The following DDX27 variants were observed in gnomAD, a reference collection of about 807,000 sequenced individuals.
DDX27 encodes DEAD-box helicase 27.
DDX27 carries 42 observed loss-of-function variants against 99.3 expected under a neutral mutation model. That is an observed-to-expected ratio of 0.42 (90% CI 0.33 to 0.55). The LOEUF (loss-of-function observed/expected upper bound fraction) is 0.55. Among genes scored for constraint, DDX27 ranks in the 20% least tolerant of loss-of-function variants. The probability of loss-of-function intolerance (pLI) is 0.07; values close to 1 mark genes in which losing one functional copy is unlikely to be tolerated. For missense variants in DDX27, 798 were observed against 976.8 expected (o/e 0.82, Z 2.44); for synonymous variants, 329 against 353.8 (o/e 0.93, Z 0.79).
At chr20:49,233,067 A>C (rs1354461754) in intron 9 of DDX27, among the ~76,000 whole-genome samples, 2 of 152,200 alleles carry the variant, frequency 1.3e-5, no homozygotes, top group Non-Finnish European at 2.9e-5. Context: ...CCTAGTGCTT[A>C]GGAGTTGTGT....
chr20:49,239,217 C>G lies in DDX27; in HGVS notation c.1795-19C>G. The G allele has an allele frequency of 6.2e-7, 1 of 1,611,890 alleles. No individual in the cohort carries two copies. ...TAGATACGGGTTTCACGGCAGGCAT[C>G]CTTTTGTTATCTCTACAGATCAATA... is the stretch of plus-strand genomic sequence containing the variant. On this transcript the variant is annotated intron_variant, in intron 15 of 20. Transcript: ENST00000618172.
intron 2 of DDX27, among the ~76,000 whole-genome samples, chr20:49,222,318 TGTTG>T (rs1979717674): frequency 6.6e-6 from 1 of 150,530 alleles, no homozygotes. Flanking sequence ...AGTTTTTTTT[TGTTG>T]TTTTTGAGAT....
chr20:49,226,660 AT>A, intron 7 of DDX27, 125 bp downstream of exon 7: 2 of 620,302 alleles, frequency 3.2e-6, no homozygotes, highest in Non-Finnish European at 5.3e-6. Flanking sequence ...TTTCATTTTT[AT>A]TTTTTATTTT....
rs1278802384 is a variant in DDX27, at chr20:49,242,746, G to A, written c.2204+65G>A. The A allele has an allele frequency of 1.2e-5, 16 of 1,373,454 alleles. No individual in the cohort carries two copies. In the South Asian group the frequency reaches 1.7e-4, roughly 15 times the overall value. The allele number at this position is 1,373,454 out of a possible 1,614,324, so 85.1% of individuals were successfully genotyped here. On this transcript the variant is annotated intron_variant, in intron 19 of 20. Transcript: ENST00000618172. ...TTTTTTTTTTTTTTTTTTTTGAGAC[G>A]GAGTCTCGCTCTGTCGCCCAGGGTG...
chr20:49,221,328 T>TGATCCACCCAC (rs1979673039), intron 1 of DDX27, 124 bp from the exon 2 acceptor site: 1 of 1,059,930 alleles, frequency 9.4e-7, no homozygotes, highest in African/African-American at 1.6e-5. Flanking sequence ...CCTGACCTTG[T>TGATCCACCCAC]CTGCGTGCCT....
chr20:49,223,510 T>A, intron 4 of DDX27, 77 bp downstream of exon 4: 1 of 1,361,708 alleles, frequency 7.3e-7, no homozygotes, highest in Non-Finnish European at 1.0e-6. Context: ...TAGGGTTTCC[T>A]CCACTCTTCT....
At chr20:49,239,650 G>A (rs1385925426) in intron 16 of DDX27, among the ~76,000 whole-genome samples, 1 of 152,190 alleles carries the variant, frequency 6.6e-6, no homozygotes, top group South Asian at 2.1e-4. Context: ...CAATGCTCAC[G>A]TCCTGCTGTG....
chr20:49,240,709 G>A (rs1980449973), intron 16 of DDX27, among the ~76,000 whole-genome samples: 1 of 152,076 alleles, frequency 6.6e-6, no homozygotes, highest in Non-Finnish European at 1.5e-5. Context: ...TTACAGGTGT[G>A]AGCCACTGCA....
intron 16 of DDX27, among the ~76,000 whole-genome samples, chr20:49,241,587 C>T (rs996177516): frequency 6.6e-6 from 1 of 151,976 alleles, no homozygotes; most frequent in Non-Finnish European, 1.5e-5. Context: ...ATTCTCTCAC[C>T]TCAGCCTCCC....
chr20:49,235,522 CAG>C (rs1352593743), intron 12 of DDX27: 1 of 160,550 alleles, frequency 6.2e-6, no homozygotes, highest in Non-Finnish European at 1.4e-5. Flanking sequence ...GTTTAGTCCT[CAG>C]AGAATGGCAT....
chr20:49,221,750 GAA>G (rs1378850767), intron 2 of DDX27, 152 bp downstream of exon 2: 2 of 511,444 alleles, frequency 3.9e-6, no homozygotes, highest in Admixed American at 4.2e-5. Context: ...AAAAACAAAA[GAA>G]AATATCTGGT....
At chr20:49,227,905 A>G (rs577195756) in intron 7 of DDX27, among the ~76,000 whole-genome samples, 25 of 147,992 alleles carry the variant, frequency 1.7e-4, no homozygotes, top group Non-Finnish European at 3.4e-4. Context: ...CAGTGGCGCA[A>G]TCTTGGCTCA....
At chr20:49,243,787 T>C (rs1232376906) in intron 20 of DDX27, 29 bp from the exon 21 acceptor site, 1 of 1,614,220 alleles carries the variant, frequency 6.2e-7, no homozygotes, top group Non-Finnish European at 8.5e-7. Flanking sequence ...TCCATCCTCA[T>C]TCTGGTCTTA....
intron 7 of DDX27, among the ~76,000 whole-genome samples, chr20:49,227,131 G>A (rs1000569641): frequency 6.6e-6 from 1 of 151,888 alleles, no homozygotes; most frequent in African/African-American, 2.4e-5. Flanking sequence ...CAAAGTGCTG[G>A]GATTACAGGC....
intron 16 of DDX27, among the ~76,000 whole-genome samples, chr20:49,240,876 A>G (rs1177889814): frequency 6.6e-6 from 1 of 152,068 alleles, no homozygotes; most frequent in East Asian, 1.9e-4. Context: ...TTAGCCAGAC[A>G]TGGTGGTGCA....
chr20:49,223,654 G>T (rs1979775558), intron 4 of DDX27, among the ~76,000 whole-genome samples: 1 of 151,710 alleles, frequency 6.6e-6, no homozygotes, highest in Non-Finnish European at 1.5e-5. Flanking sequence ...GCTGAGGTGG[G>T]TGTATCGCTT....
chr20:49,243,461 A>T (rs1163954436), intron 19 of DDX27, among the ~76,000 whole-genome samples, 168 bp from the exon 20 acceptor site: 1 of 152,208 alleles, frequency 6.6e-6, no homozygotes, highest in African/African-American at 2.4e-5. Context: ...CCTGACTTCC[A>T]GAAACACGTT....
In DDX27 at chr20:49,230,309, C is replaced by T. The variant is rs1015048044; in HGVS notation, c.991C>T (p.Leu331=). 6.2e-7 allele frequency: 1 copy of T among 1,611,812 alleles called. No individual in the cohort carries two copies. Among genetic ancestry groups the T allele is most frequent in the South Asian group, 1.1e-5 (1 of 91,086 alleles). The part of the protein sequence containing the change: ...DHLHNCPSFH[L]SSIEVLILDE... Reference sequence around the variant, plus strand: ...CCTCCACAACTGCCCTTCCTTCCACCTGAGCAGCATCGAGGTGCTCATCCT... The same window carrying T: ...CCTCCACAACTGCCCTTCCTTCCACTTGAGCAGCATCGAGGTGCTCATCCT... Residue 331 remains leucine, a synonymous_variant, in exon 9 of 21, where the codon CTG becomes TTG. Coordinates refer to ENST00000618172, the MANE Select transcript of DDX27 (RefSeq NM_017895.8).
At chr20:49,231,095 A>C (rs1980094940) in intron 9 of DDX27, 1 of 152,328 alleles carries the variant, frequency 6.6e-6, no homozygotes. Context: ...CTCAGCCTGG[A>C]GCCATCTCCT....
Sources: gnomAD v4.1 joint callset for allele counts (sites outside exome capture counted in the v4.1 genomes callset) on GRCh38, gnomAD v4.1.1 for gene constraint, MANE v1.5 for transcripts, NCBI Gene and HGNC (gene_info 2026-07-23, HGNC 2026-07-21) for gene names.